The following ZBTB7C variants were observed in gnomAD, a reference collection of about 807,000 sequenced individuals.
ZBTB7C encodes zinc finger and BTB domain containing 7C.
ZBTB7C carries 8 observed loss-of-function variants against 25.7 expected under a neutral mutation model. The observed-to-expected ratio is 0.31, with a 90% CI of 0.18 to 0.56. The LOEUF is 0.56. Among genes scored for constraint, ZBTB7C ranks in the 20% least tolerant of loss-of-function variants. The pLI is 0.91. For synonymous variants in ZBTB7C, 394 were observed against 369.0 expected (o/e 1.07, Z -0.78); for missense variants, 824 against 855.2 (o/e 0.96, Z 0.46).
At chr18:48,170,707 C>A (rs2145023632) in intron 3 of ZBTB7C, among the ~76,000 whole-genome samples, 1 of 152,304 alleles carries the variant, frequency 6.6e-6, no homozygotes, top group Non-Finnish European at 1.5e-5. Context: ...CCCTCCACAC[C>A]TATGAAGTCA....
intron 2 of ZBTB7C, among the ~76,000 whole-genome samples, chr18:48,210,108 CATA>C (rs1035673013): frequency 6.6e-6 from 1 of 152,078 alleles, no homozygotes; most frequent in Non-Finnish European, 1.5e-5. Flanking sequence ...AAATGAAAAC[CATA>C]ATAAGATATC....
intron 2 of ZBTB7C, among the ~76,000 whole-genome samples, chr18:48,298,279 CAAAA>C (rs35832838): frequency 1.7e-5 from 2 of 121,064 alleles, no homozygotes. Context: ...GACTCTGTCT[CAAAA>C]AAAAAAAAAA....
intron 1 of ZBTB7C, among the ~76,000 whole-genome samples, chr18:48,353,921 G>A (rs1468787686): frequency 3.9e-5 from 6 of 152,164 alleles, no homozygotes; most frequent in Non-Finnish European, 8.8e-5. Context: ...ATTGCAGCAG[G>A]GTGGGAAGGA....
chr18:48,042,286 A>C (rs2144172017), intron 3 of ZBTB7C, among the ~76,000 whole-genome samples: 1 of 152,200 alleles, frequency 6.6e-6, no homozygotes, highest in East Asian at 1.9e-4. Context: ...CAAAACAAAC[A>C]ACAAATCAGA....
chr18:48,312,929 T>C (rs1302457570), intron 2 of ZBTB7C, among the ~76,000 whole-genome samples: 1 of 152,228 alleles, frequency 6.6e-6, no homozygotes, highest in African/African-American at 2.4e-5. Context: ...ACTGATTCCA[T>C]GTGAACCTTC....
At chr18:48,104,567 A>G (rs987493932) in intron 3 of ZBTB7C, among the ~76,000 whole-genome samples, 2 of 149,138 alleles carry the variant, frequency 1.3e-5, no homozygotes, top group African/African-American at 2.4e-5. Flanking sequence ...ATGTATGTAC[A>G]TATGTATGTA....
intron 3 of ZBTB7C, among the ~76,000 whole-genome samples, chr18:48,178,789 AT>A (rs1430511673): frequency 4.6e-5 from 7 of 152,228 alleles, no homozygotes; most frequent in African/African-American, 1.7e-4. Context: ...CCTGCTTGTA[AT>A]GACAGAAAAA....
chr18:48,144,173 G>A (rs1377157651), intron 3 of ZBTB7C, among the ~76,000 whole-genome samples: 3 of 152,040 alleles, frequency 2.0e-5, no homozygotes, highest in Admixed American at 2.0e-4. Context: ...CAGCTACTCG[G>A]GAGGCTGAGG....
intron 2 of ZBTB7C, among the ~76,000 whole-genome samples, chr18:48,278,504 T>G (rs1436597112): frequency 6.6e-6 from 1 of 152,066 alleles, no homozygotes; most frequent in Admixed American, 6.6e-5. Context: ...GGTGCGATCT[T>G]GGCTCACTGC....
intron 1 of ZBTB7C, among the ~76,000 whole-genome samples, chr18:48,398,958 G>C (rs2048093217): frequency 6.6e-6 from 1 of 152,158 alleles, no homozygotes; most frequent in Non-Finnish European, 1.5e-5. Flanking sequence ...CCTGTATTCA[G>C]AAAAATCAAG....
intron 3 of ZBTB7C, among the ~76,000 whole-genome samples, chr18:48,157,922 A>G (rs931927816): frequency 1.3e-5 from 2 of 152,126 alleles, no homozygotes; most frequent in African/African-American, 4.8e-5. Context: ...ATCCCACTCA[A>G]TATCAACTAA....
chr18:48,175,907 G>C (rs1292062194), intron 3 of ZBTB7C, among the ~76,000 whole-genome samples: 2 of 152,214 alleles, frequency 1.3e-5, no homozygotes, highest in Non-Finnish European at 2.9e-5. Context: ...TGGCAAGAAT[G>C]GAGGCAGTGC....
intron 1 of ZBTB7C, among the ~76,000 whole-genome samples, chr18:48,362,582 T>A (rs1441594662): frequency 6.6e-6 from 1 of 152,198 alleles, no homozygotes; most frequent in Non-Finnish European, 1.5e-5. Flanking sequence ...CCATGAACAA[T>A]CAGTTTCTGC....
chr18:48,206,776 G>A (rs541449688), intron 2 of ZBTB7C, among the ~76,000 whole-genome samples: 1 of 152,272 alleles, frequency 6.6e-6, no homozygotes, highest in Non-Finnish European at 1.5e-5. Flanking sequence ...CACCCCTGGA[G>A]AATATATGTT....
At chr18:48,258,149 G>A (rs1227197017) in intron 2 of ZBTB7C, among the ~76,000 whole-genome samples, 2 of 152,170 alleles carry the variant, frequency 1.3e-5, no homozygotes, top group African/African-American at 4.8e-5. Flanking sequence ...ACAACTGAAT[G>A]TTTTTCTTCT....
intron 3 of ZBTB7C, among the ~76,000 whole-genome samples, chr18:48,102,709 T>C (rs888207050): frequency 6.6e-6 from 1 of 152,064 alleles, no homozygotes; most frequent in African/African-American, 2.4e-5. Flanking sequence ...GGAGATGTGA[T>C]GAGGTTGCCC....
intron 3 of ZBTB7C, among the ~76,000 whole-genome samples, chr18:48,089,627 A>C (rs188518566): frequency 6.6e-6 from 1 of 152,176 alleles, no homozygotes; most frequent in African/African-American, 2.4e-5. Context: ...TCTCACTAAA[A>C]TGTGTATTCT....
At chr18:48,303,614 A>C (rs2045596196) in intron 2 of ZBTB7C, among the ~76,000 whole-genome samples, 1 of 152,214 alleles carries the variant, frequency 6.6e-6, no homozygotes, top group Admixed American at 6.5e-5. Context: ...AAAAGCTTAG[A>C]AGAAGGTTGG....
At chr18:48,361,185 G>C (rs1178615214) in intron 1 of ZBTB7C, among the ~76,000 whole-genome samples, 1 of 152,138 alleles carries the variant, frequency 6.6e-6, no homozygotes, top group Admixed American at 6.5e-5. Flanking sequence ...TTGGTGTCCA[G>C]AGAGTCACAG....
Sources: gnomAD v4.1 joint callset for allele counts (sites outside exome capture counted in the v4.1 genomes callset) on GRCh38, gnomAD v4.1.1 for gene constraint, MANE v1.5 for transcripts, NCBI Gene and HGNC (gene_info 2026-07-23, HGNC 2026-07-21) for gene names.